Variants in INTS1 observed in about 807,000 individuals in gnomAD.
INTS1 encodes the protein integrator complex subunit 1.
In INTS1, 137 loss-of-function variants were observed where a neutral mutation model predicts 241.6. That is an observed-to-expected ratio of 0.57 (90% CI 0.49 to 0.65). INTS1 has a LOEUF of 0.65. Ranked by LOEUF, INTS1 falls within the 30% of genes least tolerant of loss-of-function variation. INTS1 has a pLI of 0.00. For synonymous variants in INTS1, 1,692 were observed against 1,337.8 expected (o/e 1.26, Z -5.78); for missense variants, 3,073 against 3,032.2 (o/e 1.01, Z -0.32).
rs755240146 is a variant in INTS1, at chr7:1,473,636, T to C, written c.5887A>G (p.Ile1963Val). 12 of 1,613,418 alleles carry C rather than the reference T, an allele frequency of 7.4e-6. No homozygotes were observed. Among genetic ancestry groups the C allele is most frequent in the South Asian group, 1.1e-5 (1 of 91,054 alleles). The part of the protein sequence containing the change: ...AAFINKFVQF[I>V]HKYITYNAPA... ...GCATTGTAGGTAATGTACTTATGGA[T>C]GAACTGCACAAACTTGTTGATGAAG... The change falls in exon 42 of 48, where the codon ATC becomes GTC. Residue 1963 changes from isoleucine (I) to valine (V), a missense_variant. Physicochemically the swap from Ile to Val is conservative, Grantham distance 29. Transcript: ENST00000404767.
chr7:1,478,507 C>G lies in INTS1; in HGVS notation c.4490-1G>C, dbSNP rs769076473. On this transcript the variant is annotated splice_acceptor_variant, in intron 32 of 47. Coordinates refer to ENST00000404767, the MANE Select transcript of INTS1 (RefSeq NM_001080453.3). LOFTEE classifies it high-confidence loss of function. ...GCCAGGCGCAGGAGCCCCCCTCGCA[C>G]TGTGGGAGGTCTGTGTGAGTGCCCT... 6.2e-7 allele frequency: 1 copy of G among 1,609,554 alleles called. No homozygotes were observed. The highest frequency in any genetic ancestry group is 1.3e-5 in the African/African-American group (1 of 74,884).
At position 1,498,819 on chromosome 7, in the gene INTS1, C is replaced by T. The variant is rs369167605; in HGVS notation, c.1171G>A (p.Val391Ile). The T allele has an allele frequency of 2.4e-5, 39 of 1,605,850 alleles. No individual in the cohort carries two copies. Among genetic ancestry groups the T allele is most frequent in the East Asian group, 1.8e-4 (8 of 44,590 alleles). Residue 391 changes from valine to isoleucine, a missense_variant, in exon 9 of 48, where the codon GTC becomes ATC. Transcript: ENST00000404767. ...CCGTGCGTGTTGCAGTTCATGCAGACGGACATCAGCAGGTCCTGGGCCGGC... is the reference window on the plus strand; with the variant it reads ...CCGTGCGTGTTGCAGTTCATGCAGATGGACATCAGCAGGTCCTGGGCCGGC... ...TRPAQDLLMS[V>I]CMNCNTHGSE...
rs1451363857 is a variant in INTS1, at chr7:1,493,650, C to T, written c.2068+104G>A. On this transcript the variant is annotated intron_variant, in intron 15 of 47. Transcript: ENST00000404767. This position sits in a 1 kb window ranked among gnomAD's most constrained non-coding sequence, Gnocchi z 5.3. ...CCGGGGACCCAGGACCCAGCTGAAG[C>T]GCAGCTTTGTGGAGCGCCCCAGAGG... The T allele has an allele frequency of 7.8e-6, 11 of 1,410,040 alleles. No individual in the cohort carries two copies. Among genetic ancestry groups the T allele is most frequent in the South Asian group, 1.5e-5 (1 of 66,826 alleles). The allele number at this position is 1,410,040 out of a possible 1,614,324, so 87.3% of individuals were successfully genotyped here. A position where few individuals can be genotyped will look rare whatever the true frequency, so the allele number is the denominator to read the frequency against.
intron 30 of INTS1, 85 bp from the exon 31 acceptor site, chr7:1,479,769 C>T (rs149220948): frequency 7.3e-7 from 1 of 1,368,500 alleles, no homozygotes; most frequent in Non-Finnish European, 9.6e-7. Context: ...CGGTGCAGCT[C>T]CGTGCCAGAA....
intron 43 of INTS1, 23 bp from the exon 44 acceptor site, chr7:1,472,409 C>T (rs375975379): frequency 4.7e-4 from 708 of 1,494,894 alleles, no homozygotes; most frequent in Non-Finnish European, 6.0e-4. Context: ...GGCAGTGCTG[C>T]AGGAGGGCGG....
chr7:1,476,973 G>A, intron 35 of INTS1, 55 bp from the exon 36 acceptor site: 2 of 1,554,210 alleles, frequency 1.3e-6, no homozygotes, highest in Non-Finnish European at 1.7e-6. Context: ...GGCAGGCTCT[G>A]CTGAAGTCAG....
intron 16 of INTS1, among the ~76,000 whole-genome samples, chr7:1,490,315 G>A (rs1166010187): frequency 1.3e-5 from 2 of 151,934 alleles, no homozygotes; most frequent in South Asian, 2.1e-4. Context: ...ATAAAGGGAC[G>A]CCCCTGAAAG....
At chr7:1,498,213 C>T in intron 10 of INTS1, 199 bp downstream of exon 10, 1 of 756,600 alleles carries the variant, frequency 1.3e-6, no homozygotes. Context: ...GAGAAAGACG[C>T]TGGGCGCTGT....
At position 1,482,561 on chromosome 7, in the gene INTS1, G is replaced by A. The variant is rs375705431; in HGVS notation, c.3688C>T (p.Arg1230Cys). The change falls in exon 27 of 48, where the codon CGC becomes TGC. Residue 1230 changes from arginine to cysteine, a missense_variant. By Grantham distance (180) the Arg-to-Cys change is radical. Coordinates refer to ENST00000404767, the MANE Select transcript of INTS1 (RefSeq NM_001080453.3). ...KLRMIRSEVL[R>C]LVDAALQDLE... ...TGGACCGTACCGGCGTCCACCAGGC[G>A]GAGCACCTCAGAACGGATCATGCGC... 7.9e-5 allele frequency: 127 copies of A among 1,609,242 alleles called. No homozygotes were observed. Among genetic ancestry groups the A allele is most frequent in the Non-Finnish European group, 9.6e-5 (113 of 1,177,490 alleles).
In INTS1 at chr7:1,470,296, T is replaced by G; in HGVS notation, c.*281A>C. On this transcript the variant is annotated 3_prime_UTR_variant, in exon 48 of 48. Transcript: ENST00000404767. ...CACACAGACAGTTCAGGTCGTTTCA[T>G]TCAAAACCAGCCCAGGCCATGCCCG... The G allele has an allele frequency of 2.4e-6, 1 of 411,938 alleles. No individual in the cohort carries two copies. Among genetic ancestry groups the G allele is most frequent in the Non-Finnish European group, 4.3e-6 (1 of 230,872 alleles). 25.5% of individuals were successfully genotyped at this position (411,938 alleles called of 1,614,324 possible).
At chr7:1,498,219 G>C in intron 10 of INTS1, 193 bp downstream of exon 10, 3 of 773,824 alleles carry the variant, frequency 3.9e-6, no homozygotes, top group Non-Finnish European at 6.1e-6. Flanking sequence ...GACGCTGGGC[G>C]CTGTGGCTGC....
At position 1,485,196 on chromosome 7, in the gene INTS1, G is replaced by A. The variant is rs1472998614; in HGVS notation, c.3163C>T (p.His1055Tyr). ...TTALALQQAI[H>Y]METDPQTISA... The stretch of plus-strand genomic sequence containing the variant: ...ATGGTCTGGGGATCAGTCTCCATGT[G>A]GATTGCCTGGAGGGGAGGGTGGTCT... The change falls in exon 24 of 48, where the codon CAC becomes TAC. Residue 1055 changes from histidine (H) to tyrosine (Y), a missense_variant. Physicochemically the swap from His to Tyr is moderately conservative, Grantham distance 83. Coordinates refer to ENST00000404767, the MANE Select transcript of INTS1 (RefSeq NM_001080453.3). 6.3e-7 allele frequency: 1 copy of A among 1,599,874 alleles called. No individual in the cohort carries two copies. Among genetic ancestry groups the A allele is most frequent in the African/African-American group, 1.3e-5 (1 of 74,914 alleles).
chr7:1,498,964 C>T lies in INTS1; in HGVS notation c.1137+11G>A, dbSNP rs943934025. 74 of 1,330,810 alleles carry T rather than the reference C, an allele frequency of 5.6e-5. No individual in the cohort carries two copies. Among genetic ancestry groups the T allele is most frequent in the African/African-American group, 9.8e-5 (5 of 51,012 alleles). 82.4% of individuals were successfully genotyped at this position (1,330,810 alleles called of 1,614,324 possible). On this transcript the variant is annotated intron_variant, in intron 8 of 47. Coordinates refer to ENST00000404767, the MANE Select transcript of INTS1 (RefSeq NM_001080453.3). ...CCCTGCCCCGCCCACCCCCCCGGGG[C>T]GCCCCCGCACCTTGGGGTTCTGCAG...
At chr7:1,488,317 G>C in intron 18 of INTS1, among the ~76,000 whole-genome samples, 1 of 152,148 alleles carries the variant, frequency 6.6e-6, no homozygotes, top group East Asian at 1.9e-4. Flanking sequence ...GGCTCTGCCC[G>C]CCCCATCCAG....
Position 1,472,309 on chromosome 7 carries a change from A to G in INTS1, c.6148T>C (p.Tyr2050His), listed in dbSNP as rs1420466581. Residue 2050 changes from tyrosine (Y) to histidine (H), a missense_variant, in exon 44 of 48, where the codon TAC becomes CAC. Coordinates refer to ENST00000404767, the MANE Select transcript of INTS1 (RefSeq NM_001080453.3). The stretch of plus-strand genomic sequence containing the variant: ...TGGCCCCGGGAAAGCCGTTTCATGT[A>G]GGGGGCCATCTCGGCCGCGGTCAGA... The part of the protein sequence containing the change: ...TPLTAAEMAP[Y>H]MKRLSRGQTV... The G allele has an allele frequency of 6.4e-7, 1 of 1,567,314 alleles. No homozygotes were observed. Among genetic ancestry groups the G allele is most frequent in the East Asian group, 2.4e-5 (1 of 42,412 alleles).
rs375709617 is a variant in INTS1 at position 1,486,669 on chromosome 7, G to A, written c.2932C>T (p.Arg978Cys). The A allele has an allele frequency of 4.3e-6, 7 of 1,612,168 alleles. No homozygotes were observed. The highest frequency in any genetic ancestry group is 5.1e-6 in the Non-Finnish European group (6 of 1,179,610). Residue 978 changes from arginine to cysteine, a missense_variant, in exon 22 of 48, where the codon CGC becomes TGC. Transcript: ENST00000404767. ...GAGGCCACCTGGGAGGAGCCGAGGC[G>A]CCGCAAGAAGTAGTCCAGCACCTCA... ...TCEVLDYFLR[R>C]LGSSQVASRV... is the part of the protein sequence containing the mutation.
At chr7:1,471,035 G>T (rs1371305780) in intron 46 of INTS1, 80 bp from the exon 47 acceptor site, 3 of 1,507,988 alleles carry the variant, frequency 2.0e-6, no homozygotes, top group African/African-American at 1.4e-5. Flanking sequence ...GAGCTGAGCC[G>T]CCTGGAAGCC....
Position 1,470,538 on chromosome 7 carries a change from G to T in INTS1, c.*39C>A. On this transcript the variant is annotated 3_prime_UTR_variant, in exon 48 of 48. Transcript: ENST00000404767. The stretch of plus-strand genomic sequence containing the variant: ...TTGCCTCGAGGATCCCCGGGGACGG[G>T]ACGGGCCGGGGCTTGGAGGGGGGTC... 6.9e-7 allele frequency: 1 copy of T among 1,448,160 alleles called. No individual in the cohort carries two copies. The allele number at this position is 1,448,160 out of a possible 1,614,324, so 89.7% of individuals were successfully genotyped here.
chr7:1,503,870 C>CCCCCCAAGA, intron 2 of INTS1, 33 bp downstream of exon 2: 2 of 1,522,640 alleles, frequency 1.3e-6, no homozygotes, highest in Non-Finnish European at 1.8e-6. Flanking sequence ...CCCCCAAAGA[C>CCCCCCAAGA]CCCCGGGCTG....
Sources: gnomAD v4.1 joint callset for allele counts (sites outside exome capture counted in the v4.1 genomes callset) on GRCh38, gnomAD v4.1.1 for gene constraint, Gnocchi (gnomAD v3.1) non-coding constraint, MANE v1.5 for transcripts, NCBI Gene and HGNC (gene_info 2026-07-23, HGNC 2026-07-21) for gene names.